B4GALT7: variants seen among roughly 807,000 people sequenced by gnomAD.
B4GALT7 encodes beta-1,4-galactosyltransferase 7.
Under a neutral mutation model 33.0 loss-of-function variants are expected in B4GALT7, and 30 were observed. The observed-to-expected ratio is 0.91, with a 90% CI of 0.68 to 1.23. The LOEUF is 1.23. B4GALT7 is among the 50% of genes most tolerant of loss of function. The pLI, the probability that B4GALT7 is intolerant of heterozygous loss-of-function variation, is 0.00. For synonymous variants in B4GALT7, 213 were observed against 187.2 expected (o/e 1.14, Z -1.13); for missense variants, 507 against 450.8 (o/e 1.12, Z -1.13).
In B4GALT7 at chr5:177,607,491, C is replaced by T. The variant is rs374198956; in HGVS notation, c.603C>T (p.Gly201=). The change falls in exon 3 of 6, where the codon GGC becomes GGT. Residue 201 remains glycine, a synonymous_variant. Coordinates refer to ENST00000029410, the MANE Select transcript of B4GALT7 (RefSeq NM_007255.3). The stretch of plus-strand genomic sequence containing the variant: ...TCTACCACTACAAGACCTATGTCGG[C>T]GGCATCCTGCTGCTCTCCAAGCAGC... ...HPLYHYKTYV[G]GILLLSKQHY... is the part of the protein sequence containing the mutation. The T allele has an allele frequency of 2.2e-5, 35 of 1,613,184 alleles. No individual in the cohort carries two copies. The highest frequency in any genetic ancestry group is 1.0e-4 in the Admixed American group (6 of 60,016).
chr5:177,607,644 G>C, intron 3 of B4GALT7, 117 bp downstream of exon 3: 1 of 1,037,780 alleles, frequency 9.6e-7, no homozygotes, highest in South Asian at 1.4e-5. Context: ...CCCTGGCCTA[G>C]CAGGAGAACT....
In B4GALT7 at chr5:177,607,451, C is replaced by T. The variant is rs149484064; in HGVS notation, c.563C>T (p.Pro188Leu). 23 of 1,613,742 alleles carry T rather than the reference C, an allele frequency of 1.4e-5. No homozygotes were observed. Among genetic ancestry groups the T allele is most frequent in the Non-Finnish European group, 1.7e-5 (20 of 1,180,046 alleles). Residue 188 changes from proline to leucine, a missense_variant, in exon 3 of 6, where the codon CCG becomes CTG. By Grantham distance (98) the Pro-to-Leu change is moderately conservative. Coordinates refer to ENST00000029410, the MANE Select transcript of B4GALT7 (RefSeq NM_007255.3). ...GCTGGGCCCTTCCACGTGGCCTCCC[C>T]GGAGCTCCACCCTCTCTACCACTAC... is the stretch of plus-strand genomic sequence containing the variant. ...PEAGPFHVAS[P>L]ELHPLYHYKT...
Position 177,608,508 on chromosome 5 carries a change from G to A in B4GALT7, c.640-31G>A, listed in dbSNP as rs1395636013. The A allele has an allele frequency of 2.5e-6, 4 of 1,600,330 alleles. No homozygotes were observed. Among genetic ancestry groups the A allele is most frequent in the Non-Finnish European group, 3.4e-6 (4 of 1,168,894 alleles). Reference sequence around the variant, plus strand: ...AAAGGCCCCCCCCCCCGGGAAGATGGGCCGAGTGACGCTGCTTGTCTCTGT... The same window carrying A: ...AAAGGCCCCCCCCCCCGGGAAGATGAGCCGAGTGACGCTGCTTGTCTCTGT... On this transcript the variant is annotated intron_variant, in intron 3 of 5. Coordinates refer to ENST00000029410, the MANE Select transcript of B4GALT7 (RefSeq NM_007255.3). This position sits in a 1 kb window ranked among gnomAD's most constrained non-coding sequence, Gnocchi z 4.1.
In B4GALT7 at chr5:177,600,273, G is replaced by C. The variant is rs746553066; in HGVS notation, c.50+13G>C. The C allele has an allele frequency of 1.5e-6, 2 of 1,328,380 alleles. No homozygotes were observed. Among genetic ancestry groups the C allele is most frequent in the East Asian group, 3.1e-5 (1 of 32,240 alleles). 82.3% of individuals were successfully genotyped at this position (1,328,380 alleles called of 1,614,324 possible). ...GGGAGGACGGCAGGTGAGCGGCGGCGGTGGGCCCGGGCCCCGTCCTCCCGG... is the reference window on the plus strand; with the variant it reads ...GGGAGGACGGCAGGTGAGCGGCGGCCGTGGGCCCGGGCCCCGTCCTCCCGG... On this transcript the variant is annotated intron_variant, in intron 1 of 5. Transcript: ENST00000029410. The surrounding 1 kb of genome is among the most constrained non-coding windows in gnomAD (Gnocchi z 4.4).
In B4GALT7 at chr5:177,606,687, A is replaced by G. The variant is rs1768022299; in HGVS notation, c.414-615A>G. On this transcript the variant is annotated intron_variant, in intron 2 of 5. Coordinates refer to ENST00000029410, the MANE Select transcript of B4GALT7 (RefSeq NM_007255.3). The surrounding 1 kb of genome is among the most constrained non-coding windows in gnomAD (Gnocchi z 4.2). ...CCTGCTCAGAGCCTCCATGGCACCC[A>G]TCTTACCCGAGTCAAAGCCCCGTCC... 1 of 194,900 alleles carries G rather than the reference A, an allele frequency of 5.1e-6. No individual in the cohort carries two copies. The highest frequency in any genetic ancestry group is 1.1e-5 in the Non-Finnish European group (1 of 93,568). The allele number at this position is 194,900 out of a possible 1,614,324, so 12.1% of individuals were successfully genotyped here. A position where few individuals can be genotyped will look rare whatever the true frequency, so the allele number is the denominator to read the frequency against.
chr5:177,605,131 C>A, intron 2 of B4GALT7: 1 of 415,486 alleles, frequency 2.4e-6, no homozygotes, highest in Non-Finnish European at 4.8e-6. Context: ...TCCCCAGACC[C>A]CCCCCTTTTC....
chr5:177,605,942 TG>T (rs1767992032), intron 2 of B4GALT7: 1 of 152,756 alleles, frequency 6.5e-6, no homozygotes, highest in Admixed American at 6.5e-5. Context: ...GAGGCCATGC[TG>T]GGCCCTCATC....
chr5:177,609,639 C>T lies in B4GALT7; in HGVS notation c.928C>T (p.Leu310Phe), dbSNP rs753742901. 1.9e-6 allele frequency: 3 copies of T among 1,613,802 alleles called. No homozygotes were observed. The highest frequency in any genetic ancestry group is 1.7e-5 in the Admixed American group (1 of 59,998). ...LSVGGAPCTV[L>F]NIMLDCDKTA... ...TGTGGGCGGGGCCCCCTGCACTGTC[C>T]TCAACATCATGTTGGACTGTGACAA... The change falls in exon 6 of 6, where the codon CTC becomes TTC. Residue 310 changes from leucine to phenylalanine, a missense_variant. Transcript: ENST00000029410.
chr5:177,603,308 C>T (rs1581991610), intron 1 of B4GALT7: 2 of 985,292 alleles, frequency 2.0e-6, no homozygotes, highest in East Asian at 2.3e-4. Flanking sequence ...TTCATGGATT[C>T]CTCAGCTCCT....
At chr5:177,607,609 C>A in intron 3 of B4GALT7, 82 bp downstream of exon 3, 1 of 1,376,536 alleles carries the variant, frequency 7.3e-7, no homozygotes, top group South Asian at 1.2e-5. Context: ...GGCAGTGCCT[C>A]TGGGGCCCAG....
In B4GALT7 at chr5:177,608,494, C is replaced by CT. The variant is rs758861249; in HGVS notation, c.640-45_640-44insT. ...AGCGGTAGGAGACCAAAGGCCCCCC[C>CT]CCCCGGGAAGATGGGCCGAGTGACG... On this transcript the variant is annotated intron_variant, in intron 3 of 5. Transcript: ENST00000029410. The surrounding 1 kb of genome is among the most constrained non-coding windows in gnomAD (Gnocchi z 4.1). The CT allele has an allele frequency of 5.8e-6, 9 of 1,563,976 alleles. No homozygotes were observed. The highest frequency in any genetic ancestry group is 1.4e-5 in the African/African-American group (1 of 73,638).
Position 177,608,360 on chromosome 5 carries a change from G to A in B4GALT7, c.640-179G>A, listed in dbSNP as rs915003614. 8 of 609,828 alleles carry A rather than the reference G, an allele frequency of 1.3e-5. No homozygotes were observed. The highest frequency in any genetic ancestry group is 1.1e-4 in the African/African-American group (6 of 54,126). 37.8% of individuals were successfully genotyped at this position (609,828 alleles called of 1,614,324 possible). A position where few individuals can be genotyped will look rare whatever the true frequency, so the allele number is the denominator to read the frequency against. ...CACAGGTTCAAGGCCCCGTGAGAAC[G>A]GGAGAGGGCCCGGGACGCGCTGCTT... On this transcript the variant is annotated intron_variant, in intron 3 of 5. Transcript: ENST00000029410. The surrounding 1 kb of genome is among the most constrained non-coding windows in gnomAD (Gnocchi z 4.1).
At chr5:177,604,998 C>T (rs983472693) in intron 2 of B4GALT7, 1 of 456,170 alleles carries the variant, frequency 2.2e-6, no homozygotes, top group African/African-American at 2.0e-5. Context: ...CTTCCATGAC[C>T]ACAGCCTGAG....
Position 177,608,867 on chromosome 5 carries a change from C to T in B4GALT7, c.724-43C>T, listed in dbSNP as rs1170138285. The T allele has an allele frequency of 1.3e-6, 2 of 1,547,372 alleles. No individual in the cohort carries two copies. Among genetic ancestry groups the T allele is most frequent in the South Asian group, 1.1e-5 (1 of 89,662 alleles). On this transcript the variant is annotated intron_variant, in intron 4 of 5. Coordinates refer to ENST00000029410, the MANE Select transcript of B4GALT7 (RefSeq NM_007255.3). This position sits in a 1 kb window ranked among gnomAD's most constrained non-coding sequence, Gnocchi z 4.1. ...GGAGCTGGTGGTGAGGGCTGGGGCTCCAGGAAGGGCAGCCTGACCCCGACT... is the reference window on the plus strand; with the variant it reads ...GGAGCTGGTGGTGAGGGCTGGGGCTTCAGGAAGGGCAGCCTGACCCCGACT...
At chr5:177,604,906 A>G in intron 2 of B4GALT7, 1 of 458,120 alleles carries the variant, frequency 2.2e-6, no homozygotes, top group Non-Finnish European at 4.3e-6. Context: ...GATTAGGGAA[A>G]GGGAGGGTCA....
At chr5:177,602,486 A>C (rs779697539) in intron 1 of B4GALT7, among the ~76,000 whole-genome samples, 1 of 152,164 alleles carries the variant, frequency 6.6e-6, no homozygotes, top group African/African-American at 2.4e-5. Context: ...AAAAGTGGGA[A>C]GATGCCGTGG....
In B4GALT7 at chr5:177,608,820, G is replaced by A. The variant is rs533347732; in HGVS notation, c.724-90G>A. 2 of 1,259,044 alleles carry A rather than the reference G, an allele frequency of 1.6e-6. No individual in the cohort carries two copies. The highest frequency in any genetic ancestry group is 2.4e-5 in the South Asian group (2 of 83,240). The allele number at this position is 1,259,044 out of a possible 1,614,324, so 78.0% of individuals were successfully genotyped here. A position where few individuals can be genotyped will look rare whatever the true frequency, so the allele number is the denominator to read the frequency against. Reference sequence around the variant, plus strand: ...TCCTCTCCTGCAGGCTGGGAGTGCAGGTCCCTTCCTGTGGGACCTCGGGAG... The same window carrying A: ...TCCTCTCCTGCAGGCTGGGAGTGCAAGTCCCTTCCTGTGGGACCTCGGGAG... On this transcript the variant is annotated intron_variant, in intron 4 of 5. Transcript: ENST00000029410. The surrounding 1 kb of genome is among the most constrained non-coding windows in gnomAD (Gnocchi z 4.1).
At chr5:177,607,614 G>A in intron 3 of B4GALT7, 87 bp downstream of exon 3, 3 of 1,336,152 alleles carry the variant, frequency 2.2e-6, no homozygotes, top group African/African-American at 1.4e-5. Flanking sequence ...TGCCTCTGGG[G>A]CCCAGCAGAT....
rs1477117632 is a variant in B4GALT7, at chr5:177,606,083, T to C, written c.414-1219T>C. The C allele has an allele frequency of 6.6e-6, 1 of 152,278 alleles. No individual in the cohort carries two copies. Among genetic ancestry groups the C allele is most frequent in the Non-Finnish European group, 1.5e-5 (1 of 68,102 alleles). 9.4% of individuals were successfully genotyped at this position (152,278 alleles called of 1,614,324 possible). On this transcript the variant is annotated intron_variant, in intron 2 of 5. Coordinates refer to ENST00000029410, the MANE Select transcript of B4GALT7 (RefSeq NM_007255.3). This position sits in a 1 kb window ranked among gnomAD's most constrained non-coding sequence, Gnocchi z 4.2. ...TGCTCATCTCCCCGAGCTCTCACCA[T>C]CGGGGCTTCTCTGGACTCGGTGCTT...
Sources: gnomAD v4.1 joint callset for allele counts (sites outside exome capture counted in the v4.1 genomes callset) on GRCh38, gnomAD v4.1.1 for gene constraint, Gnocchi (gnomAD v3.1) non-coding constraint, MANE v1.5 for transcripts, NCBI Gene and HGNC (gene_info 2026-07-23, HGNC 2026-07-21) for gene names.